MOCS1: variants seen among roughly 807,000 people sequenced by gnomAD.
The protein encoded by MOCS1 is molybdenum cofactor synthesis 1, also known as molybdenum cofactor biosynthesis protein 1.
In MOCS1, 39 loss-of-function variants were observed where a neutral mutation model predicts 57.6. The ratio of observed to expected loss-of-function variants is 0.68; its 90% CI spans 0.52 to 0.88. MOCS1 has a LOEUF of 0.88. Ranked by LOEUF, MOCS1 falls within the 40% of genes least tolerant of loss-of-function variation. The probability of loss-of-function intolerance (pLI) is 0.00; values close to 1 mark genes in which losing one functional copy is unlikely to be tolerated. For missense variants in MOCS1, 795 were observed against 831.1 expected, an observed-to-expected ratio of 0.96 and a Z score of 0.53; for synonymous variants, 334 against 335.7, an observed-to-expected ratio of 1.00 and a Z score of 0.05.
intron 3 of MOCS1, among the ~76,000 whole-genome samples, chr6:39,919,706 C>A (rs1036534717): frequency 6.6e-6 from 1 of 151,926 alleles, no homozygotes; most frequent in Non-Finnish European, 1.5e-5. Context: ...CAAAGTAGAA[C>A]TTGAAACAGA....
chr6:39,926,344 C>T (rs368776369), intron 2 of MOCS1, among the ~76,000 whole-genome samples: 2 of 152,208 alleles, frequency 1.3e-5, no homozygotes, highest in African/African-American at 4.8e-5. Flanking sequence ...TCCACTCTAT[C>T]TATTTCAGGT....
At chr6:39,927,490 C>G in intron 1 of MOCS1, 35 bp from the exon 2 acceptor site, 5 of 1,609,864 alleles carry the variant, frequency 3.1e-6, no homozygotes, top group Non-Finnish European at 4.2e-6. Context: ...GCATGGGCCC[C>G]TGCTACCGGG....
intron 5 of MOCS1, 143 bp downstream of exon 5, chr6:39,913,631 G>C: frequency 9.4e-7 from 1 of 1,064,878 alleles, no homozygotes; most frequent in South Asian, 1.3e-5. Flanking sequence ...TGGACCAGCA[G>C]GGAGAGAAGA....
rs556483807 is a variant in MOCS1, at chr6:39,923,680, C to T, written c.418+1998G>A. 4.6e-5 allele frequency among the ~76,000 whole-genome samples: 7 copies of T among 152,380 alleles called. No homozygotes were observed. The South Asian group carries it at 1.4e-3, about 32-fold the overall frequency. ...TGCCTGGAACATGGGGTCAGCTTGCCTGGGCCAGCTCAGCCAGCACAGGAT... is the reference window on the plus strand; with the variant it reads ...TGCCTGGAACATGGGGTCAGCTTGCTTGGGCCAGCTCAGCCAGCACAGGAT... On this transcript the variant is annotated intron_variant, in intron 3 of 10. Transcript: ENST00000340692.
At position 39,907,245 on chromosome 6, in the gene MOCS1, G is replaced by A. The variant is rs115243085; in HGVS notation, c.1151-128C>T. On this transcript the variant is annotated intron_variant, in intron 10 of 10. Coordinates refer to ENST00000340692, the MANE Select transcript of MOCS1 (RefSeq NM_001358530.2). Reference sequence around the variant, plus strand: ...TTCATACCGGGGAAAGAGGAATGAAGAACAAAAAGCATAGTGGGACAAGAC... The same window carrying A: ...TTCATACCGGGGAAAGAGGAATGAAAAACAAAAAGCATAGTGGGACAAGAC... 2,666 of 1,044,682 alleles carry A rather than the reference G, an allele frequency of 2.6e-3. 40 individuals carry two copies. The African/African-American group carries it at 0.038, about 15-fold the overall frequency. The allele number at this position is 1,044,682 out of a possible 1,614,324, so 64.7% of individuals were successfully genotyped here. A position where few individuals can be genotyped will look rare whatever the true frequency, so the allele number is the denominator to read the frequency against.
chr6:39,905,823 G>C lies in MOCS1; in HGVS notation c.*534C>G, dbSNP rs1035461473. The C allele has an allele frequency of 2.1e-6, 1 of 469,884 alleles. No individual in the cohort carries two copies. The highest frequency in any genetic ancestry group is 4.4e-6 in the Non-Finnish European group (1 of 226,994). The allele number at this position is 469,884 out of a possible 1,614,324, so 29.1% of individuals were successfully genotyped here. On this transcript the variant is annotated 3_prime_UTR_variant, in exon 11 of 11. Coordinates refer to ENST00000340692, the MANE Select transcript of MOCS1 (RefSeq NM_001358530.2). The stretch of plus-strand genomic sequence containing the variant: ...TGGGCAGAAGGAGAGATGAAGTCAG[G>C]ACAGGACAGGACAGGGCAGGGCTGC...
Position 39,904,896 on chromosome 6 carries a change from C to T in MOCS1, c.*1461G>A. Reference sequence around the variant, plus strand: ...TCTGCCTTTAAACTTGTGCCTTCTTCCTATGAGGGGATCTGGGGTGGGCTG... The same window carrying T: ...TCTGCCTTTAAACTTGTGCCTTCTTTCTATGAGGGGATCTGGGGTGGGCTG... On this transcript the variant is annotated 3_prime_UTR_variant, in exon 11 of 11. Coordinates refer to ENST00000340692, the MANE Select transcript of MOCS1 (RefSeq NM_001358530.2). The T allele has an allele frequency of 2.2e-6, 1 of 454,094 alleles. No individual in the cohort carries two copies. The highest frequency in any genetic ancestry group is 1.6e-5 in the South Asian group (1 of 64,474). The allele number at this position is 454,094 out of a possible 1,614,324, so 28.1% of individuals were successfully genotyped here.
intron 1 of MOCS1, 156 bp from the exon 2 acceptor site, chr6:39,927,611 T>C (rs1198996618): frequency 6.2e-7 from 1 of 1,601,732 alleles, no homozygotes; most frequent in Non-Finnish European, 8.5e-7. Context: ...GAAGCTGGGA[T>C]TGTCCCTCTC....
chr6:39,928,863 G>A (rs1046195687), intron 1 of MOCS1, among the ~76,000 whole-genome samples: 4 of 152,134 alleles, frequency 2.6e-5, no homozygotes, highest in Non-Finnish European at 5.9e-5. Flanking sequence ...AAGGTCTAGC[G>A]CAACTATGCC....
At chr6:39,933,982 A>C (rs1388616182) in intron 1 of MOCS1, among the ~76,000 whole-genome samples, 1 of 152,096 alleles carries the variant, frequency 6.6e-6, no homozygotes, top group Non-Finnish European at 1.5e-5. Context: ...GCTGAAAGGT[A>C]CTAAGACACC....
Position 39,905,905 on chromosome 6 carries a change from A to G in MOCS1, c.*452T>C, listed in dbSNP as rs1766877754. 2.1e-6 allele frequency: 1 copy of G among 468,602 alleles called. No individual in the cohort carries two copies. The highest frequency in any genetic ancestry group is 4.4e-6 in the Non-Finnish European group (1 of 227,846). The allele number at this position is 468,602 out of a possible 1,614,324, so 29.0% of individuals were successfully genotyped here. A position where few individuals can be genotyped will look rare whatever the true frequency, so the allele number is the denominator to read the frequency against. ...GGGGAGAAGTTGGGATCCATTCTTC[A>G]GGCAAGCTTGTGCTTTGCTCTCCTC... On this transcript the variant is annotated 3_prime_UTR_variant, in exon 11 of 11. Transcript: ENST00000340692.
chr6:39,930,981 G>A (rs764118293), intron 1 of MOCS1, among the ~76,000 whole-genome samples: 12 of 152,238 alleles, frequency 7.9e-5, no homozygotes, highest in Non-Finnish European at 1.8e-4. Flanking sequence ...GTTGTGTGCT[G>A]TGATCAGTTT....
intron 3 of MOCS1, 56 bp downstream of exon 3, chr6:39,925,622 G>A: frequency 6.2e-7 from 1 of 1,601,324 alleles, no homozygotes; most frequent in Non-Finnish European, 8.5e-7. Flanking sequence ...CGGCATCAGT[G>A]TCCAGCCGGA....
rs772819913 is a variant in MOCS1, at chr6:39,927,319, G to A, written c.250+10C>T. The A allele has an allele frequency of 1.2e-6, 2 of 1,609,642 alleles. No individual in the cohort carries two copies. Among genetic ancestry groups the A allele is most frequent in the Non-Finnish European group, 1.7e-6 (2 of 1,178,066 alleles). ...CACCAGCCCAGAGAGGGCCCAGGAA[G>A]GTGACTCACATCTGAGGTTGCACTT... is the stretch of plus-strand genomic sequence containing the variant. On this transcript the variant is annotated intron_variant, in intron 2 of 10. Transcript: ENST00000340692.
At position 39,925,828 on chromosome 6, in the gene MOCS1, C is replaced by T. The variant is rs147580725; in HGVS notation, c.268G>A (p.Glu90Lys). 1.6e-5 allele frequency: 26 copies of T among 1,612,444 alleles called. No individual in the cohort carries two copies. The highest frequency in any genetic ancestry group is 3.3e-5 in the Admixed American group (2 of 60,010). The change falls in exon 3 of 11, where the codon GAG (glutamate) becomes AAG (lysine). Residue 90 changes from glutamate to lysine, a missense_variant. By Grantham distance (56) the Glu-to-Lys change is moderately conservative. Transcript: ENST00000340692. The stretch of plus-strand genomic sequence containing the variant: ...TTGGGGGTCAGCGGGACCCCCTCCT[C>T]GGGCATGCAGTACTGACCTGAGGGA... ...CNLRCQYCMP[E>K]EGVPLTPKAN...
At chr6:39,908,505 C>G (rs1283424368) in intron 10 of MOCS1, among the ~76,000 whole-genome samples, 1 of 152,150 alleles carries the variant, frequency 6.6e-6, no homozygotes, top group Non-Finnish European at 1.5e-5. Flanking sequence ...TGCAGATGTT[C>G]CTGAGAGTTA....
In MOCS1 at chr6:39,918,081, ATTTC is replaced by A. The variant is rs1244159364; in HGVS notation, c.419-1853_419-1850del. Among the ~76,000 whole-genome samples the A allele has an allele frequency of 7.2e-5, 11 of 152,174 alleles. 1 individual carries two copies. The highest frequency in any genetic ancestry group is 4.4e-5 in the Non-Finnish European group (3 of 68,022). On this transcript the variant is annotated intron_variant, in intron 3 of 10. Transcript: ENST00000340692. ...ATTTTTGTATTTATTTATAGGTAAA[ATTTC>A]TTTCTATAACAAACACGTTTTCTTT...
Position 39,934,413 on chromosome 6 carries a change from G to T in MOCS1, c.5C>A (p.Ala2Glu), listed in dbSNP as rs533996841. Residue 2 changes from alanine (A) to glutamate (E), a missense_variant, in exon 1 of 11, where the codon GCG becomes GAG. Coordinates refer to ENST00000340692, the MANE Select transcript of MOCS1 (RefSeq NM_001358530.2). M[A>E]ARPLSRMLRR... Reference sequence around the variant, plus strand: ...CAGCATCCGGGACAGTGGCCGCGCCGCCATGAAGCCTGATACGAGCGGAAC... The same window carrying T: ...CAGCATCCGGGACAGTGGCCGCGCCTCCATGAAGCCTGATACGAGCGGAAC... The T allele has an allele frequency of 6.4e-5, 101 of 1,567,080 alleles. No homozygotes were observed. The highest frequency in any genetic ancestry group is 8.2e-5 in the Non-Finnish European group (95 of 1,162,022).
intron 3 of MOCS1, among the ~76,000 whole-genome samples, chr6:39,924,172 C>G (rs936628378): frequency 2.6e-5 from 4 of 152,226 alleles, no homozygotes; most frequent in African/African-American, 9.6e-5. Flanking sequence ...TTCTCATTCC[C>G]TCCTCAGGTC....
Sources: allele counts gnomAD v4.1 joint callset (sites outside exome capture counted in the v4.1 genomes callset), GRCh38; gene constraint gnomAD v4.1.1; transcripts MANE v1.5; gene names NCBI Gene and HGNC (gene_info 2026-07-23, HGNC 2026-07-21).